The following NFASC variants were observed in gnomAD, a reference collection of about 807,000 sequenced individuals.
NFASC encodes neurofascin.
In NFASC, 43 loss-of-function variants were observed where a neutral mutation model predicts 147.5. That is an observed-to-expected ratio of 0.29 (90% CI 0.23 to 0.38). The LOEUF (loss-of-function observed/expected upper bound fraction) is 0.38, where lower values mean the gene tolerates loss of function less well. Ranked by LOEUF, NFASC falls within the 10% of genes least tolerant of loss-of-function variation. The probability of loss-of-function intolerance (pLI) is 1.00; values close to 1 mark genes in which losing one functional copy is unlikely to be tolerated. For missense variants in NFASC, 1,320 were observed against 1,689.0 expected, an observed-to-expected ratio of 0.78 and a Z score of 3.83; for synonymous variants, 622 against 665.5, an observed-to-expected ratio of 0.93 and a Z score of 1.01.
At chr1:205,006,453 G>A (rs2096113995) in intron 27 of NFASC, among the ~76,000 whole-genome samples, 1 of 152,256 alleles carries the variant, frequency 6.6e-6, no homozygotes, top group South Asian at 2.1e-4. Flanking sequence ...GATTCAGGGA[G>A]GAGGGGTAGA....
chr1:204,931,910 T>G (rs1047485676), intron 2 of NFASC, among the ~76,000 whole-genome samples: 5 of 152,124 alleles, frequency 3.3e-5, no homozygotes, highest in Non-Finnish European at 5.9e-5. Context: ...TGGAGAACAT[T>G]AAACCATCCT....
intron 1 of NFASC, among the ~76,000 whole-genome samples, chr1:204,910,909 G>A (rs1183901370): frequency 6.6e-6 from 1 of 151,884 alleles, no homozygotes. Context: ...TTCCTTTGTG[G>A]CCTATATGCA....
At chr1:204,880,858 A>G (rs1432133653) in intron 1 of NFASC, among the ~76,000 whole-genome samples, 1 of 152,208 alleles carries the variant, frequency 6.6e-6, no homozygotes, top group Non-Finnish European at 1.5e-5. Context: ...CTTTGAATGG[A>G]TGTATCATGT....
chr1:204,974,232 T>C lies in NFASC; in HGVS notation c.1333T>C (p.Tyr445His), dbSNP rs568593371. 1 of 1,614,190 alleles carries C rather than the reference T, an allele frequency of 6.2e-7. No homozygotes were observed. ...GAACCAGCTCATTCGAGTGATTCTTTACAACCGGACGCGGCTGGACTGCCC... is the reference window on the plus strand; with the variant it reads ...GAACCAGCTCATTCGAGTGATTCTTCACAACCGGACGCGGCTGGACTGCCC... ...PRNQLIRVIL[Y>H]NRTRLDCPFF... The change falls in exon 13 of 30, where the codon TAC (tyrosine) becomes CAC (histidine). Residue 445 changes from tyrosine to histidine, a missense_variant. Physicochemically the swap from Tyr to His is moderately conservative, Grantham distance 83 (BLOSUM62 2). Around this residue, in one of 3 missense-constraint regions of NFASC, gnomAD observed 981 missense variants for 1,289.5 expected, o/e 0.76. Coordinates refer to ENST00000339876, the MANE Select transcript of NFASC (RefSeq NM_001005388.3).
rs1288513269 is a variant in NFASC, at chr1:204,975,033, A to G, written c.1558+210A>G. Among the ~76,000 whole-genome samples the G allele has an allele frequency of 6.6e-6, 1 of 152,188 alleles. No homozygotes were observed. Among genetic ancestry groups the G allele is most frequent in the Non-Finnish European group, 1.5e-5 (1 of 68,030 alleles). On this transcript the variant is annotated intron_variant, in intron 14 of 29. Transcript: ENST00000339876. The surrounding 1 kb of genome is among the most constrained non-coding windows in gnomAD (Gnocchi z 4.0). ...AACCTTCTGCTCACACCAACTCCCC[A>G]CTACCAGCCCAGAAATTACATCATA...
At chr1:204,875,533 A>T (rs557433927) in intron 1 of NFASC, among the ~76,000 whole-genome samples, 35 of 152,294 alleles carry the variant, frequency 2.3e-4, no homozygotes, top group Admixed American at 2.2e-3. Flanking sequence ...CTTTTCCCTA[A>T]AAACAGTCTA....
In NFASC at chr1:204,975,654, A is replaced by C. The variant is rs1574013768; in HGVS notation, c.1706+236A>C. 2.8e-5 allele frequency among the ~76,000 whole-genome samples: 4 copies of C among 144,776 alleles called. No individual in the cohort carries two copies. The highest frequency in any genetic ancestry group is 2.2e-4 in the South Asian group (1 of 4,462). 95.0% of individuals were successfully genotyped at this position (144,776 alleles called of 152,430 possible). Reference sequence around the variant, plus strand: ...CCAGCTCCCTGCTTCTCTCTCCTACACCTCCTCTCTCTCCCTCTTCTCAAT... The same window carrying C: ...CCAGCTCCCTGCTTCTCTCTCCTACCCCTCCTCTCTCTCCCTCTTCTCAAT... On this transcript the variant is annotated intron_variant, in intron 15 of 29. Coordinates refer to ENST00000339876, the MANE Select transcript of NFASC (RefSeq NM_001005388.3). This position sits in a 1 kb window ranked among gnomAD's most constrained non-coding sequence, Gnocchi z 4.0.
intron 1 of NFASC, among the ~76,000 whole-genome samples, chr1:204,905,114 C>T (rs1208916206): frequency 6.6e-6 from 1 of 151,952 alleles, no homozygotes; most frequent in Non-Finnish European, 1.5e-5. Flanking sequence ...AGATGAGGTC[C>T]TGCTATGTTG....
chr1:204,896,852 C>T (rs986286592), intron 1 of NFASC, among the ~76,000 whole-genome samples: 3 of 152,142 alleles, frequency 2.0e-5, no homozygotes, highest in Admixed American at 6.5e-5. Flanking sequence ...TCAGTTTAAT[C>T]ATCAGACATT....
chr1:204,849,808 A>C (rs1028308676), intron 1 of NFASC, among the ~76,000 whole-genome samples: 2 of 152,222 alleles, frequency 1.3e-5, no homozygotes, highest in African/African-American at 4.8e-5. Flanking sequence ...GAGCAGGCAC[A>C]GCAGGCCTCT....
intron 4 of NFASC, 34 bp from the exon 5 acceptor site, chr1:204,951,977 C>A: frequency 1.3e-6 from 2 of 1,582,904 alleles, no homozygotes; most frequent in Non-Finnish European, 1.7e-6. Context: ...GAGGTCCCTG[C>A]AGCCCTGACC....
chr1:205,001,076 C>T (rs999913946), intron 25 of NFASC, 94 bp from the exon 26 acceptor site: 23 of 750,648 alleles, frequency 3.1e-5, no homozygotes, highest in South Asian at 1.5e-4. Flanking sequence ...TGGGCATGTG[C>T]GTGCATGCAC....
Position 205,016,168 on chromosome 1 carries a change from G to A in NFASC, c.3492-140G>A. The A allele has an allele frequency of 1.5e-6, 1 of 687,418 alleles. No individual in the cohort carries two copies. Among genetic ancestry groups the A allele is most frequent in the Non-Finnish European group, 2.6e-6 (1 of 382,936 alleles). The allele number at this position is 687,418 out of a possible 1,614,324, so 42.6% of individuals were successfully genotyped here. On this transcript the variant is annotated intron_variant, in intron 29 of 29. Coordinates refer to ENST00000339876, the MANE Select transcript of NFASC (RefSeq NM_001005388.3). This position sits in a 1 kb window ranked among gnomAD's most constrained non-coding sequence, Gnocchi z 5.1. ...CCATTTCCCTTCTGCAAAGCAGGCTGGACAGGGGAGGGTGAAGCGGGGGCT... is the reference window on the plus strand; with the variant it reads ...CCATTTCCCTTCTGCAAAGCAGGCTAGACAGGGGAGGGTGAAGCGGGGGCT...
chr1:204,868,751 G>A (rs2102963187), intron 1 of NFASC, among the ~76,000 whole-genome samples: 1 of 152,260 alleles, frequency 6.6e-6, no homozygotes, highest in South Asian at 2.1e-4. Context: ...AGGAGCATGG[G>A]GGCAGCTACC....
intron 28 of NFASC, among the ~76,000 whole-genome samples, chr1:205,012,372 A>G (rs141042600): frequency 5.1e-4 from 77 of 152,352 alleles, no homozygotes; most frequent in Non-Finnish European, 9.7e-4. Flanking sequence ...CCCACCCTTG[A>G]GGAAAGAACT....
At position 204,899,853 on chromosome 1, in the gene NFASC, A is replaced by G. The variant is rs1363958843; in HGVS notation, c.-199-20779A>G. ...AGACCCAGGTTCAACTCTTGGCTCT[A>G]TTACTCCTAGCCACATGACCTTGAA... On this transcript the variant is annotated intron_variant, in intron 1 of 29. Coordinates refer to ENST00000339876, the MANE Select transcript of NFASC (RefSeq NM_001005388.3). Among the ~76,000 whole-genome samples, 4 of 152,318 alleles carry G rather than the reference A, an allele frequency of 2.6e-5. No individual in the cohort carries two copies. In the South Asian group the frequency reaches 6.2e-4, roughly 24 times the overall value.
intron 2 of NFASC, among the ~76,000 whole-genome samples, chr1:204,941,478 C>T (rs1379186010): frequency 2.0e-5 from 3 of 152,050 alleles, no homozygotes; most frequent in Non-Finnish European, 1.5e-5. Context: ...ATAAAATATC[C>T]GTCTCTTTCC....
chr1:204,864,712 T>C (rs571715788), intron 1 of NFASC, among the ~76,000 whole-genome samples: 1 of 152,202 alleles, frequency 6.6e-6, no homozygotes, highest in Non-Finnish European at 1.5e-5. Context: ...TCCTTGCTGT[T>C]TTTAAATTGG....
In NFASC at chr1:204,975,742, CT is replaced by C. The variant is rs2095387836; in HGVS notation, c.1706+325del. Among the ~76,000 whole-genome samples the C allele has an allele frequency of 1.3e-5, 2 of 152,200 alleles. No individual in the cohort carries two copies. Among genetic ancestry groups the C allele is most frequent in the East Asian group, 1.9e-4 (1 of 5,164 alleles). On this transcript the variant is annotated intron_variant, in intron 15 of 29. Coordinates refer to ENST00000339876, the MANE Select transcript of NFASC (RefSeq NM_001005388.3). This position sits in a 1 kb window ranked among gnomAD's most constrained non-coding sequence, Gnocchi z 4.0. ...CCTCTTTTCCCTTTCATTTTTGCCC[CT>C]GTCTTCTCTTTTCCTCCTTTGCTGC...
Sources: allele counts gnomAD v4.1 joint callset (sites outside exome capture counted in the v4.1 genomes callset), GRCh38; gene constraint gnomAD v4.1.1; regional missense constraint gnomAD v4.1.1; non-coding constraint Gnocchi (gnomAD v3.1); transcripts MANE v1.5; gene names NCBI Gene and HGNC (gene_info 2026-07-23, HGNC 2026-07-21).